FAM168A: variants seen among roughly 807,000 people sequenced by gnomAD.
FAM168A encodes the protein protein FAM168A.
In FAM168A, 3 loss-of-function variants were observed where a neutral mutation model predicts 28.5. The ratio of observed to expected loss-of-function variants is 0.11; its 90% CI spans 0.05 to 0.27. The LOEUF (loss-of-function observed/expected upper bound fraction) is 0.27. Among genes scored for constraint, FAM168A ranks in the 10% least tolerant of loss-of-function variants. The pLI is 1.00. For synonymous variants in FAM168A, 122 were observed against 124.2 expected (o/e 0.98, Z 0.12); for missense variants, 222 against 311.5 (o/e 0.71, Z 2.16).
chr11:73,541,660 G>A (rs1196467151), intron 1 of FAM168A, among the ~76,000 whole-genome samples: 2 of 152,022 alleles, frequency 1.3e-5, no homozygotes, highest in Admixed American at 1.3e-4. Context: ...GTGAGCCACC[G>A]CACCCGGCTC....
intron 1 of FAM168A, among the ~76,000 whole-genome samples, chr11:73,594,695 A>AT (rs1368634072): frequency 4.6e-5 from 7 of 151,980 alleles, no homozygotes; most frequent in Admixed American, 1.3e-4. Context: ...CTACCAGCTA[A>AT]TTTTTGTATT....
chr11:73,588,501 G>C (rs952198937), intron 1 of FAM168A, among the ~76,000 whole-genome samples: 3 of 151,988 alleles, frequency 2.0e-5, no homozygotes, highest in African/African-American at 7.3e-5. Flanking sequence ...GACCAGCCTG[G>C]GCAACACAGT....
At chr11:73,531,023 A>C (rs145333384) in intron 1 of FAM168A, among the ~76,000 whole-genome samples, 1 of 152,340 alleles carries the variant, frequency 6.6e-6, no homozygotes, top group East Asian at 1.9e-4. Flanking sequence ...CCCTCCCATC[A>C]GGGGAACCTA....
chr11:73,581,321 A>G (rs1467256940), intron 1 of FAM168A, among the ~76,000 whole-genome samples: 1 of 152,248 alleles, frequency 6.6e-6, no homozygotes, highest in Non-Finnish European at 1.5e-5. Flanking sequence ...AGCTGGATAC[A>G]GTTTGGCTTG....
chr11:73,466,966 C>G, intron 2 of FAM168A, among the ~76,000 whole-genome samples: 1 of 151,128 alleles, frequency 6.6e-6, no homozygotes, highest in African/African-American at 2.4e-5. Flanking sequence ...TTGGAGGAGT[C>G]ATAGTGTCAG....
chr11:73,482,928 C>T (rs939959165), intron 1 of FAM168A, among the ~76,000 whole-genome samples: 22 of 152,034 alleles, frequency 1.4e-4, no homozygotes, highest in Admixed American at 6.6e-5. Flanking sequence ...TTAGTAGAGA[C>T]GAGGTTTCAC....
At chr11:73,433,075 C>T (rs1867024549) in intron 2 of FAM168A, among the ~76,000 whole-genome samples, 1 of 123,454 alleles carries the variant, frequency 8.1e-6, no homozygotes, top group Admixed American at 7.8e-5. Flanking sequence ...CCACGCCCCG[C>T]CTTTTTTTTT....
At chr11:73,539,094 C>T (rs1014715293) in intron 1 of FAM168A, among the ~76,000 whole-genome samples, 13 of 152,092 alleles carry the variant, frequency 8.5e-5, no homozygotes, top group South Asian at 6.2e-4. Flanking sequence ...AATTTGGCTG[C>T]GCATTTCAAT....
At chr11:73,557,081 G>A (rs1943900589) in intron 1 of FAM168A, among the ~76,000 whole-genome samples, 1 of 151,786 alleles carries the variant, frequency 6.6e-6, no homozygotes, top group Non-Finnish European at 1.5e-5. Context: ...GCCAAAAGGT[G>A]GAAGCAACTC....
intron 1 of FAM168A, among the ~76,000 whole-genome samples, chr11:73,575,621 G>A (rs1404671982): frequency 6.6e-6 from 1 of 152,160 alleles, no homozygotes; most frequent in African/African-American, 2.4e-5. Flanking sequence ...TGTAATCCCA[G>A]CACTTTGGGA....
At chr11:73,516,549 T>C (rs1003046161) in intron 1 of FAM168A, among the ~76,000 whole-genome samples, 3 of 152,230 alleles carry the variant, frequency 2.0e-5, no homozygotes, top group Admixed American at 6.5e-5. Context: ...ACATTTCTAA[T>C]AATTATACTT....
intron 3 of FAM168A, 44 bp downstream of exon 3, chr11:73,430,646 C>G (rs182226579): frequency 4.3e-5 from 67 of 1,557,722 alleles, no homozygotes; most frequent in Non-Finnish European, 5.6e-5. Flanking sequence ...AATAGAGTCC[C>G]CCTTCCCACT....
At chr11:73,497,650 A>G (rs989611229) in intron 1 of FAM168A, among the ~76,000 whole-genome samples, 5 of 152,154 alleles carry the variant, frequency 3.3e-5, no homozygotes, top group Admixed American at 1.3e-4. Flanking sequence ...TTAAAACTCA[A>G]AACAGAAAAC....
chr11:73,596,013 G>C (rs982002892), intron 1 of FAM168A, among the ~76,000 whole-genome samples: 2 of 152,076 alleles, frequency 1.3e-5, no homozygotes, highest in African/African-American at 4.8e-5. Context: ...ACTCATCTCA[G>C]GATTATTAGC....
intron 1 of FAM168A, among the ~76,000 whole-genome samples, chr11:73,507,521 G>C (rs966497189): frequency 1.3e-5 from 2 of 151,986 alleles, no homozygotes; most frequent in African/African-American, 4.8e-5. Context: ...AATAACTATT[G>C]GGTACTGGGG....
intron 1 of FAM168A, among the ~76,000 whole-genome samples, chr11:73,506,916 T>G (rs1234167871): frequency 2.0e-5 from 3 of 152,188 alleles, no homozygotes; most frequent in Non-Finnish European, 4.4e-5. Context: ...TATAATCATT[T>G]CAGAGTTAAG....
At chr11:73,477,533 T>A (rs1015484487) in intron 1 of FAM168A, among the ~76,000 whole-genome samples, 1 of 152,008 alleles carries the variant, frequency 6.6e-6, no homozygotes, top group Non-Finnish European at 1.5e-5. Context: ...AAAAGATCCA[T>A]AACCGGACAC....
intron 1 of FAM168A, among the ~76,000 whole-genome samples, chr11:73,569,297 T>C (rs1260416800): frequency 6.6e-6 from 1 of 152,168 alleles, no homozygotes; most frequent in Non-Finnish European, 1.5e-5. Flanking sequence ...GCAATCATTA[T>C]GGAAAACACA....
At chr11:73,496,604 A>G (rs1401473352) in intron 1 of FAM168A, among the ~76,000 whole-genome samples, 1 of 152,246 alleles carries the variant, frequency 6.6e-6, no homozygotes, top group East Asian at 1.9e-4. Context: ...TCTGTCGCCC[A>G]GGCTGGAGTG....
Sources: allele counts gnomAD v4.1 joint callset (sites outside exome capture counted in the v4.1 genomes callset), GRCh38; gene constraint gnomAD v4.1.1; transcripts MANE v1.5; gene names NCBI Gene and HGNC (gene_info 2026-07-23, HGNC 2026-07-21).